MNAT1: variants seen among roughly 807,000 people sequenced by gnomAD.
The protein encoded by MNAT1 is MNAT1 component of CDK activating kinase.
A neutral mutation model predicts 42.0 loss-of-function variants in MNAT1; 43 were observed. That is an observed-to-expected ratio of 1.02 (90% CI 0.80 to 1.32). The LOEUF (loss-of-function observed/expected upper bound fraction) is 1.32. Ranked by LOEUF, MNAT1 falls within the 40% of genes most tolerant of loss-of-function variation. The pLI, the probability that MNAT1 is intolerant of heterozygous loss-of-function variation, is 0.00. For missense variants in MNAT1, 306 were observed against 350.4 expected (o/e 0.87, Z 1.01); for synonymous variants, 118 against 120.0 (o/e 0.98, Z 0.11).
At chr14:60,877,059 A>T (rs1262578671) in intron 6 of MNAT1, among the ~76,000 whole-genome samples, 1 of 152,050 alleles carries the variant, frequency 6.6e-6, no homozygotes, top group Non-Finnish European at 1.5e-5. Context: ...CTAGCAATGC[A>T]CAAGAGTTCA....
At chr14:60,910,712 C>T (rs992059359) in intron 7 of MNAT1, among the ~76,000 whole-genome samples, 1 of 152,154 alleles carries the variant, frequency 6.6e-6, no homozygotes, top group African/African-American at 2.4e-5. Flanking sequence ...TGATGTGCTG[C>T]TGGATTTGGT....
chr14:60,757,374 T>C (rs1401061942), intron 1 of MNAT1, among the ~76,000 whole-genome samples: 1 of 152,118 alleles, frequency 6.6e-6, no homozygotes, highest in Non-Finnish European at 1.5e-5. Flanking sequence ...TTTGCAGTAT[T>C]TTAGTGCATT....
chr14:60,827,325 G>A (rs1288423131), intron 6 of MNAT1, among the ~76,000 whole-genome samples: 2 of 152,100 alleles, frequency 1.3e-5, no homozygotes. Flanking sequence ...TATTATCTAT[G>A]GGTGAGCCAG....
At chr14:60,746,603 AT>A (rs1051721687) in intron 1 of MNAT1, among the ~76,000 whole-genome samples, 8 of 149,810 alleles carry the variant, frequency 5.3e-5, no homozygotes, top group African/African-American at 1.7e-4. Flanking sequence ...ATTAGCTGTA[AT>A]TTTTTTTTCC....
chr14:60,834,859 G>A (rs1384925752), intron 6 of MNAT1, among the ~76,000 whole-genome samples: 1 of 151,912 alleles, frequency 6.6e-6, no homozygotes, highest in African/African-American at 2.4e-5. Context: ...CCTATATTGG[G>A]TGCATATATA....
chr14:60,738,677 A>G (rs1206517000), intron 1 of MNAT1, among the ~76,000 whole-genome samples: 1 of 152,080 alleles, frequency 6.6e-6, no homozygotes, highest in African/African-American at 2.4e-5. Flanking sequence ...CTGGGATTAC[A>G]GACATGCGCC....
At chr14:60,772,220 C>T (rs2140307826) in intron 1 of MNAT1, among the ~76,000 whole-genome samples, 1 of 152,292 alleles carries the variant, frequency 6.6e-6, no homozygotes, top group South Asian at 2.1e-4. Flanking sequence ...TCTGATTGCA[C>T]CACTGCCTCC....
intron 6 of MNAT1, among the ~76,000 whole-genome samples, chr14:60,824,732 G>A (rs1363683240): frequency 6.6e-6 from 1 of 152,138 alleles, no homozygotes; most frequent in Non-Finnish European, 1.5e-5. Context: ...TACATAAAAT[G>A]CTAAAGCTGG....
At chr14:60,885,859 TCTCA>T (rs2034657126) in intron 7 of MNAT1, among the ~76,000 whole-genome samples, 1 of 152,082 alleles carries the variant, frequency 6.6e-6, no homozygotes, top group African/African-American at 2.4e-5. Flanking sequence ...CAAGGATCTT[TCTCA>T]CTATGTTTTC....
chr14:60,912,980 G>T (rs1002724597), intron 7 of MNAT1, among the ~76,000 whole-genome samples: 3 of 152,030 alleles, frequency 2.0e-5, no homozygotes, highest in Non-Finnish European at 4.4e-5. Context: ...ATGTACATTT[G>T]GTCTTTTCAC....
At chr14:60,917,278 T>G (rs2035542123) in intron 7 of MNAT1, among the ~76,000 whole-genome samples, 1 of 130,920 alleles carries the variant, frequency 7.6e-6, no homozygotes, top group Non-Finnish European at 1.6e-5. Flanking sequence ...CATGGAATTT[T>G]CAGTTTCTAA....
At chr14:60,842,403 C>G (rs1195483900) in intron 6 of MNAT1, among the ~76,000 whole-genome samples, 4 of 152,140 alleles carry the variant, frequency 2.6e-5, no homozygotes, top group Non-Finnish European at 5.9e-5. Context: ...GGTTACTTCT[C>G]TATGTATTAT....
chr14:60,951,266 C>CTTTTTTTTTTT (rs33970682), intron 7 of MNAT1, among the ~76,000 whole-genome samples: 1 of 87,892 alleles, frequency 1.1e-5, no homozygotes, highest in African/African-American at 4.4e-5. Flanking sequence ...CTTCCCCTCC[C>CTTTTTTTTTTT]TTTTTTTTTT....
At chr14:60,968,080 A>C in intron 7 of MNAT1, 149 bp from the exon 8 acceptor site, 1 of 569,704 alleles carries the variant, frequency 1.8e-6, no homozygotes, top group Admixed American at 3.5e-5. Context: ...TCCTTTTGAA[A>C]GATAATAATC....
chr14:60,818,985 A>G (rs187749606), intron 6 of MNAT1, 138 bp downstream of exon 6: 2 of 901,546 alleles, frequency 2.2e-6, no homozygotes, highest in East Asian at 2.7e-5. Context: ...GTGTCTGGAA[A>G]TATGGATGGG....
At chr14:60,918,159 T>A (rs996080818) in intron 7 of MNAT1, among the ~76,000 whole-genome samples, 1 of 151,134 alleles carries the variant, frequency 6.6e-6, no homozygotes, top group South Asian at 2.1e-4. Context: ...CTTTTAGATT[T>A]GTGAACACCA....
chr14:60,895,187 T>A (rs1307880326), intron 7 of MNAT1, among the ~76,000 whole-genome samples: 4 of 152,234 alleles, frequency 2.6e-5, no homozygotes, highest in Non-Finnish European at 4.4e-5. Context: ...TAAATTGAGT[T>A]CTTGTATCAG....
In MNAT1 at chr14:60,951,177, G is replaced by A. The variant is rs938911972; in HGVS notation, c.810-17052G>A. ...TACCCAGAATTAAGAAATATTATTT[G>A]CAAACATCAAAAAATTCTAAACTTA... On this transcript the variant is annotated intron_variant, in intron 7 of 7. Transcript: ENST00000261245. Among the ~76,000 whole-genome samples, 14 of 150,692 alleles carry A rather than the reference G, an allele frequency of 9.3e-5. 1 individual carries two copies. Among genetic ancestry groups the A allele is most frequent in the African/African-American group, 3.4e-4 (14 of 40,972 alleles).
intron 6 of MNAT1, among the ~76,000 whole-genome samples, chr14:60,845,673 G>C (rs1594797788): frequency 1.3e-5 from 2 of 152,046 alleles, no homozygotes; most frequent in Non-Finnish European, 2.9e-5. Context: ...TGTGATAGTT[G>C]ATAGTTACTT....
Sources: gnomAD v4.1 joint callset for allele counts (sites outside exome capture counted in the v4.1 genomes callset) on GRCh38, gnomAD v4.1.1 for gene constraint, MANE v1.5 for transcripts, NCBI Gene and HGNC (gene_info 2026-07-23, HGNC 2026-07-21) for gene names.